The following DLG1 variants were observed in gnomAD, a reference collection of about 807,000 sequenced individuals.
The protein encoded by DLG1 is discs large MAGUK scaffold protein 1, also known as disks large homolog 1.
DLG1 carries 42 observed loss-of-function variants against 123.4 expected under a neutral mutation model. The ratio of observed to expected loss-of-function variants is 0.34; its 90% CI spans 0.27 to 0.44. The LOEUF is 0.44. Among genes scored for constraint, DLG1 ranks in the 20% least tolerant of loss-of-function variants. DLG1 has a pLI of 1.00. For missense variants in DLG1, 942 were observed against 1,082.6 expected (o/e 0.87, Z 1.82); for synonymous variants, 317 against 356.2 (o/e 0.89, Z 1.24).
In DLG1 at chr3:197,278,004, G is replaced by T. The variant is rs564594535; in HGVS notation, c.318+4675C>A. ...AACTGTTTAAAGAAATGGTTTTGGG[G>T]TCGGGCATGGTGGCTGAAGCCTGTA... On this transcript the variant is annotated intron_variant, in intron 4 of 24. Coordinates refer to ENST00000667157, the MANE Select transcript of DLG1 (RefSeq NM_001366207.1). 9.2e-5 allele frequency among the ~76,000 whole-genome samples: 14 copies of T among 152,026 alleles called. No homozygotes were observed. In the South Asian group the frequency reaches 2.9e-3, roughly 32 times the overall value.
intron 5 of DLG1, among the ~76,000 whole-genome samples, chr3:197,161,985 T>A (rs968942555): frequency 6.6e-6 from 1 of 152,188 alleles, no homozygotes; most frequent in Non-Finnish European, 1.5e-5. Context: ...GATGCTTAAA[T>A]CATAATAATA....
At chr3:197,136,894 A>G (rs1220952412) in intron 9 of DLG1, among the ~76,000 whole-genome samples, 1 of 152,200 alleles carries the variant, frequency 6.6e-6, no homozygotes, top group Admixed American at 6.5e-5. Flanking sequence ...TTTATCCCAC[A>G]TGTTCCTTCT....
Position 197,282,656 on chromosome 3 carries a change from T to A in DLG1, c.318+23A>T, listed in dbSNP as rs144291180. On this transcript the variant is annotated intron_variant, in intron 4 of 24. Coordinates refer to ENST00000667157, the MANE Select transcript of DLG1 (RefSeq NM_001366207.1). ...ATAAATTGATCACCAAAAAACAGCT[T>A]CAGAACACATTTTTTATCTCACCTC... 148 of 1,486,346 alleles carry A rather than the reference T, an allele frequency of 1.0e-4. 1 individual carries two copies. In the East Asian group the frequency reaches 3.3e-3, roughly 33 times the overall value. The allele number at this position is 1,486,346 out of a possible 1,614,324, so 92.1% of individuals were successfully genotyped here.
chr3:197,178,041 T>A (rs1430133671), intron 5 of DLG1, among the ~76,000 whole-genome samples: 1 of 152,016 alleles, frequency 6.6e-6, no homozygotes, highest in African/African-American at 2.4e-5. Context: ...AAACTGAGGA[T>A]ACAACAATAA....
intron 5 of DLG1, among the ~76,000 whole-genome samples, chr3:197,172,204 T>C (rs1182350540): frequency 6.6e-6 from 1 of 152,188 alleles, no homozygotes; most frequent in East Asian, 1.9e-4. Context: ...TGCAGTATAA[T>C]GTATTACATT....
At chr3:197,087,104 T>G (rs1284132110) in intron 15 of DLG1, among the ~76,000 whole-genome samples, 1 of 152,208 alleles carries the variant, frequency 6.6e-6, no homozygotes, top group Non-Finnish European at 1.5e-5. Context: ...CCTTCATCAG[T>G]AATTCACATT....
At chr3:197,091,864 G>C (rs1232509847) in intron 14 of DLG1, among the ~76,000 whole-genome samples, 1 of 152,026 alleles carries the variant, frequency 6.6e-6, no homozygotes, top group Non-Finnish European at 1.5e-5. Flanking sequence ...ACTTCTCTGG[G>C]ATTTTGTGTA....
intron 22 of DLG1, among the ~76,000 whole-genome samples, chr3:197,064,424 C>T (rs1031591686): frequency 6.6e-6 from 1 of 152,182 alleles, no homozygotes; most frequent in Non-Finnish European, 1.5e-5. Flanking sequence ...AACTCCTAAC[C>T]TCAGGTGATC....
At chr3:197,072,687 A>AAAAAAAAC (rs1199413662) in intron 18 of DLG1, among the ~76,000 whole-genome samples, 9 of 151,466 alleles carry the variant, frequency 5.9e-5, no homozygotes, top group African/African-American at 1.9e-4. Flanking sequence ...TCTTAAAAAA[A>AAAAAAAAC]AAAAAAACAA....
intron 4 of DLG1, among the ~76,000 whole-genome samples, chr3:197,196,141 G>T (rs183511954): frequency 7.9e-6 from 1 of 126,896 alleles, no homozygotes; most frequent in East Asian, 2.4e-4. Flanking sequence ...GTATAGATAG[G>T]AGGAAAAATG....
rs115574183 is a variant in DLG1 at position 197,163,352 on chromosome 3, A to G, written c.484-13556T>C. Among the ~76,000 whole-genome samples, 682 of 152,290 alleles carry G rather than the reference A, an allele frequency of 4.5e-3. 5 individuals carry two copies. Among genetic ancestry groups the G allele is most frequent in the African/African-American group, 0.016 (661 of 41,550 alleles). ...CATCTGATCTAGCAATTGGGTAGGT[A>G]AATATGCACTGGGTAGGCATATTCC... On this transcript the variant is annotated intron_variant, in intron 5 of 24. Transcript: ENST00000667157.
intron 4 of DLG1, among the ~76,000 whole-genome samples, chr3:197,251,833 A>C (rs935354579): frequency 1.3e-5 from 2 of 152,218 alleles, no homozygotes; most frequent in African/African-American, 4.8e-5. Flanking sequence ...AAAAACAAAT[A>C]ATCATATTTT....
chr3:197,267,991 A>G (rs888332337), intron 4 of DLG1, among the ~76,000 whole-genome samples: 2 of 152,244 alleles, frequency 1.3e-5, no homozygotes, highest in Non-Finnish European at 2.9e-5. Flanking sequence ...AAGGATTAAG[A>G]GCATAACAGA....
At position 197,198,567 on chromosome 3, in the gene DLG1, G is replaced by T. The variant is rs1015973410; in HGVS notation, c.319-3978C>A. ...ATATTTCATAAGGGTCTACTGTCCAGAATACATCTTATAGCTCAACAAGAA... is the reference window on the plus strand; with the variant it reads ...ATATTTCATAAGGGTCTACTGTCCATAATACATCTTATAGCTCAACAAGAA... On this transcript the variant is annotated intron_variant, in intron 4 of 24. Transcript: ENST00000667157. Among the ~76,000 whole-genome samples, 3 of 151,250 alleles carry T rather than the reference G, an allele frequency of 2.0e-5. 1 individual carries two copies. In the South Asian group the frequency reaches 6.2e-4, roughly 31 times the overall value.
intron 9 of DLG1, 42 bp downstream of exon 9, chr3:197,138,180 G>A (rs1786067256): frequency 7.8e-7 from 1 of 1,278,298 alleles, no homozygotes; most frequent in Admixed American, 2.3e-5. Context: ...ATTTAACTCA[G>A]AGATTTCTTA....
In DLG1 at chr3:197,198,122, T is replaced by TCAAAA. The variant is rs527404506; in HGVS notation, c.319-3538_319-3534dup. Among the ~76,000 whole-genome samples, 1,198 of 132,634 alleles carry TCAAAA rather than the reference T, an allele frequency of 9.0e-3. 14 individuals are homozygous for TCAAAA. Among genetic ancestry groups the TCAAAA allele is most frequent in the African/African-American group, 0.029 (1,087 of 37,238 alleles). The allele number at this position is 132,634 out of a possible 152,430, so 87.0% of individuals were successfully genotyped here. A position where few individuals can be genotyped will look rare whatever the true frequency, so the allele number is the denominator to read the frequency against. On this transcript the variant is annotated intron_variant, in intron 4 of 24. Coordinates refer to ENST00000667157, the MANE Select transcript of DLG1 (RefSeq NM_001366207.1). ...AAAGAAAAAACATAAATTGGACTCA[T>TCAAAA]CAAAACAAAACAAAACAAAACAAAC...
At chr3:197,071,973 A>G (rs896421007) in intron 18 of DLG1, among the ~76,000 whole-genome samples, 7 of 152,230 alleles carry the variant, frequency 4.6e-5, no homozygotes, top group Non-Finnish European at 8.8e-5. Context: ...ACCACAAGAC[A>G]TGTATAAGAA....
chr3:197,044,822 A>T, intron 24 of DLG1, 93 bp from the exon 25 acceptor site: 2 of 683,084 alleles, frequency 2.9e-6, no homozygotes, highest in Non-Finnish European at 2.3e-6. Flanking sequence ...AGTATCTTTG[A>T]AAAAGTTACT....
intron 4 of DLG1, among the ~76,000 whole-genome samples, chr3:197,233,756 G>C (rs1290224684): frequency 2.0e-5 from 3 of 152,218 alleles, no homozygotes; most frequent in Non-Finnish European, 2.9e-5. Context: ...CTGACCTCAA[G>C]TGATCTGCCC....
Sources: allele counts gnomAD v4.1 joint callset (sites outside exome capture counted in the v4.1 genomes callset), GRCh38; gene constraint gnomAD v4.1.1; transcripts MANE v1.5; gene names NCBI Gene and HGNC (gene_info 2026-07-23, HGNC 2026-07-21).